Variants in GRM4 observed in about 807,000 individuals in gnomAD.
The protein encoded by GRM4 is metabotropic glutamate receptor 4.
GRM4 carries 28 observed loss-of-function variants against 81.7 expected under a neutral mutation model. The ratio of observed to expected loss-of-function variants is 0.34; its 90% CI spans 0.25 to 0.47. The LOEUF is 0.47. GRM4 is among the 20% of genes least tolerant of loss of function. GRM4 has a pLI of 1.00. For synonymous variants in GRM4, 488 were observed against 528.8 expected (o/e 0.92, Z 1.06); for missense variants, 948 against 1,290.0 (o/e 0.73, Z 4.06).
intron 2 of GRM4, among the ~76,000 whole-genome samples, chr6:34,117,226 A>G (rs1304170370): frequency 6.6e-6 from 1 of 152,270 alleles, no homozygotes; most frequent in Non-Finnish European, 1.5e-5. Context: ...GGACCATCAG[A>G]AGCAGAGGCC....
rs757340262 is a variant in GRM4, at chr6:34,070,531, T to C, written c.737-8503A>G. Among the ~76,000 whole-genome samples, 3 of 151,886 alleles carry C rather than the reference T, an allele frequency of 2.0e-5. No individual in the cohort carries two copies. Among genetic ancestry groups the C allele is most frequent in the Non-Finnish European group, 4.4e-5 (3 of 67,966 alleles). On this transcript the variant is annotated intron_variant, in intron 3 of 10. Coordinates refer to ENST00000538487, the MANE Select transcript of GRM4 (RefSeq NM_000841.4). The surrounding 1 kb of genome is among the most constrained non-coding windows in gnomAD (Gnocchi z 4.6). ...AGTGTGAGGGCCCAGTGTAGTGGTG[T>C]TTGTGCAGGTCTGCCCCCTGGAGCC... is the stretch of plus-strand genomic sequence containing the variant.
intron 2 of GRM4, chr6:34,099,900 G>T: frequency 4.9e-6 from 1 of 205,552 alleles, no homozygotes; most frequent in Non-Finnish European, 8.6e-6. Flanking sequence ...CTTCAATACC[G>T]CCTTCCCCAA....
intron 1 of GRM4, among the ~76,000 whole-genome samples, chr6:34,138,596 C>A (rs555574328): frequency 1.3e-5 from 2 of 152,250 alleles, no homozygotes; most frequent in African/African-American, 2.4e-5. Context: ...CGGGCCCCCA[C>A]TGGCTGGGCA....
chr6:34,111,897 C>A lies in GRM4; in HGVS notation c.520-19798G>T, dbSNP rs572711245. Among the ~76,000 whole-genome samples, 4 of 152,254 alleles carry A rather than the reference C, an allele frequency of 2.6e-5. No individual in the cohort carries two copies. The East Asian group carries it at 7.7e-4, about 29-fold the overall frequency. ...TGTGGCCAGACCAGACGCACCCCCA[C>A]CTGTTCCATTTCCTGATTGTCCAGA... On this transcript the variant is annotated intron_variant, in intron 2 of 10. Coordinates refer to ENST00000538487, the MANE Select transcript of GRM4 (RefSeq NM_000841.4). The surrounding 1 kb of genome is among the most constrained non-coding windows in gnomAD (Gnocchi z 5.1).
intron 2 of GRM4, among the ~76,000 whole-genome samples, chr6:34,100,256 C>T (rs966031867): frequency 2.0e-5 from 3 of 152,222 alleles, no homozygotes; most frequent in East Asian, 1.9e-4. Flanking sequence ...CCTTGCTCTG[C>T]TCCTCCCCCC....
intron 2 of GRM4, among the ~76,000 whole-genome samples, chr6:34,132,274 A>G (rs1420967233): frequency 2.0e-5 from 3 of 152,124 alleles, no homozygotes; most frequent in African/African-American, 4.8e-5. Flanking sequence ...TTCAGGGCCC[A>G]GGGCACCAGA....
At chr6:34,108,489 CT>C (rs919170761) in intron 2 of GRM4, among the ~76,000 whole-genome samples, 1 of 152,228 alleles carries the variant, frequency 6.6e-6, no homozygotes, top group African/African-American at 2.4e-5. Flanking sequence ...CAGCCGGGCC[CT>C]GCCTGCCATC....
Position 34,035,635 on chromosome 6 carries a change from A to AC in GRM4, c.2442+32dup. On this transcript the variant is annotated intron_variant, in intron 9 of 10. Coordinates refer to ENST00000538487, the MANE Select transcript of GRM4 (RefSeq NM_000841.4). The surrounding 1 kb of genome is among the most constrained non-coding windows in gnomAD (Gnocchi z 6.6). ...TGCCCCTTGCTCACTGCCCTCACCT[A>AC]CCCACCGTCCACCCCCGGCCCCCAC... 1.6e-6 allele frequency: 2 copies of AC among 1,220,362 alleles called. No homozygotes were observed. The highest frequency in any genetic ancestry group is 2.3e-6 in the Non-Finnish European group (2 of 856,582). The allele number at this position is 1,220,362 out of a possible 1,614,324, so 75.6% of individuals were successfully genotyped here. A position where few individuals can be genotyped will look rare whatever the true frequency, so the allele number is the denominator to read the frequency against.
At chr6:34,028,484 C>T (rs927404646) in intron 9 of GRM4, 118 bp from the exon 10 acceptor site, 14 of 1,157,926 alleles carry the variant, frequency 1.2e-5, no homozygotes, top group South Asian at 4.4e-5. Context: ...AGAAGGAAGT[C>T]GTGGCTTGGA....
intron 3 of GRM4, among the ~76,000 whole-genome samples, chr6:34,071,623 CCACA>C: frequency 1.1e-5 from 1 of 93,424 alleles, no homozygotes; most frequent in Non-Finnish European, 2.2e-5. Flanking sequence ...CCATACATCA[CCACA>C]CAGATACACA....
chr6:34,095,116 G>A (rs951004224), intron 2 of GRM4, among the ~76,000 whole-genome samples: 14 of 152,320 alleles, frequency 9.2e-5, no homozygotes, highest in East Asian at 3.9e-4. Context: ...CAGGATATGC[G>A]CGTCAGCCTG....
In GRM4 at chr6:34,130,660, C is replaced by T. The variant is rs557341680; in HGVS notation, c.519+2318G>A. Among the ~76,000 whole-genome samples, 10 of 152,342 alleles carry T rather than the reference C, an allele frequency of 6.6e-5. 2 individuals carry two copies. Among genetic ancestry groups the T allele is most frequent in the African/African-American group, 2.4e-4 (10 of 41,588 alleles). ...CCCAAGAACACACTTTAAGACCTAA[C>T]TCTGAGTGACCATTCCTTGAGCCTT... On this transcript the variant is annotated intron_variant, in intron 2 of 10. Transcript: ENST00000538487. The surrounding 1 kb of genome is among the most constrained non-coding windows in gnomAD (Gnocchi z 4.1).
chr6:34,052,254 G>C (rs1765650706), intron 6 of GRM4, among the ~76,000 whole-genome samples: 1 of 152,198 alleles, frequency 6.6e-6, no homozygotes, highest in African/African-American at 2.4e-5. Flanking sequence ...TGTCCCAAGA[G>C]GATTAAGCTC....
At chr6:34,138,178 AGTCCCTG>A (rs1770542602) in intron 1 of GRM4, among the ~76,000 whole-genome samples, 1 of 152,200 alleles carries the variant, frequency 6.6e-6, no homozygotes, top group Non-Finnish European at 1.5e-5. Context: ...TCATTGCCAG[AGTCCCTG>A]GTTCCTGCTC....
chr6:34,132,897 G>C, intron 2 of GRM4, 81 bp downstream of exon 2: 1 of 1,179,914 alleles, frequency 8.5e-7, no homozygotes, highest in Non-Finnish European at 1.2e-6. Context: ...GGGGCTGGTC[G>C]GCCAGGCCTG....
At position 34,069,444 on chromosome 6, in the gene GRM4, C is replaced by T. The variant is rs993395364; in HGVS notation, c.737-7416G>A. ...GGCCCCAGCAAAGGCCCTCCCCATG[C>T]GGCTGCTCCAGAGTGAGCTGGGTGC... On this transcript the variant is annotated intron_variant, in intron 3 of 10. Coordinates refer to ENST00000538487, the MANE Select transcript of GRM4 (RefSeq NM_000841.4). The surrounding 1 kb of genome is among the most constrained non-coding windows in gnomAD (Gnocchi z 6.4). Among the ~76,000 whole-genome samples, 20 of 152,126 alleles carry T rather than the reference C, an allele frequency of 1.3e-4. 1 individual carries two copies. The highest frequency in any genetic ancestry group is 4.3e-4 in the African/African-American group (18 of 41,422).
In GRM4 at chr6:34,092,249, C is replaced by G; in HGVS notation, c.520-150G>C. On this transcript the variant is annotated intron_variant, in intron 2 of 10. Coordinates refer to ENST00000538487, the MANE Select transcript of GRM4 (RefSeq NM_000841.4). This position sits in a 1 kb window ranked among gnomAD's most constrained non-coding sequence, Gnocchi z 6.8. ...TCCCCATGGGCGATGCCTCCTCCTC[C>G]AGAAAGTCTCCCAACCGGCCTCCCT... is the stretch of plus-strand genomic sequence containing the variant. 1 of 610,096 alleles carries G rather than the reference C, an allele frequency of 1.6e-6. No homozygotes were observed. The highest frequency in any genetic ancestry group is 2.9e-6 in the Non-Finnish European group (1 of 345,398). 37.8% of individuals were successfully genotyped at this position (610,096 alleles called of 1,614,324 possible).
At chr6:34,153,070 G>T (rs1208288563) in intron 1 of GRM4, among the ~76,000 whole-genome samples, 1 of 152,114 alleles carries the variant, frequency 6.6e-6, no homozygotes, top group African/African-American at 2.4e-5. Context: ...CCAGGTGTGA[G>T]CCCCTGCGGT....
In GRM4 at chr6:34,133,043, C is replaced by G; in HGVS notation, c.454G>C (p.Gly152Arg). The stretch of plus-strand genomic sequence containing the variant: ...GAGCTCCCTGAAGCACCGATGACAC[C>G]CACCACACGTTCAGGCTTGGTGATG... ...PIITKPERVV[G>R]VIGASGSSVS... The change falls in exon 2 of 11, where the codon GGT becomes CGT. Residue 152 changes from glycine (G) to arginine (R), a missense_variant. Gly to Arg is a moderately radical substitution (Grantham distance 125). Transcript: ENST00000538487. The surrounding 1 kb of genome is among the most constrained non-coding windows in gnomAD (Gnocchi z 6.5). The G allele has an allele frequency of 6.2e-7, 1 of 1,613,960 alleles. No homozygotes were observed. Among genetic ancestry groups the G allele is most frequent in the Non-Finnish European group, 8.5e-7 (1 of 1,179,914 alleles).
Sources: allele counts gnomAD v4.1 joint callset (sites outside exome capture counted in the v4.1 genomes callset), GRCh38; gene constraint gnomAD v4.1.1; non-coding constraint Gnocchi (gnomAD v3.1); transcripts MANE v1.5; gene names NCBI Gene and HGNC (gene_info 2026-07-23, HGNC 2026-07-21).